The following DOCK8 variants were observed in gnomAD, a reference collection of about 807,000 sequenced individuals.
DOCK8 encodes dedicator of cytokinesis 8, also known as dedicator of cytokinesis protein 8.
Under a neutral mutation model 245.6 loss-of-function variants are expected in DOCK8, and 141 were observed. The observed-to-expected ratio is 0.57, with a 90% confidence interval of 0.50 to 0.66. The LOEUF (loss-of-function observed/expected upper bound fraction) is 0.66. DOCK8 is among the 30% of genes least tolerant of loss of function. The pLI is 0.00. For synonymous variants in DOCK8, 1,168 were observed against 970.2 expected, an observed-to-expected ratio of 1.20 and a Z score of -3.79; for missense variants, 2,965 against 2,603.4, an observed-to-expected ratio of 1.14 and a Z score of -3.02.
chr9:336,819 G>T lies in DOCK8; in HGVS notation c.1422+101G>T, dbSNP rs117506165. Reference sequence around the variant, plus strand: ...ACGTAGTGATTAAGAGAGCAAATTAGTTAAGCTCACTCTCTTAGTTCATTT... The same window carrying T: ...ACGTAGTGATTAAGAGAGCAAATTATTTAAGCTCACTCTCTTAGTTCATTT... On this transcript the variant is annotated intron_variant, in intron 12 of 47. Coordinates refer to ENST00000432829, the MANE Select transcript of DOCK8 (RefSeq NM_203447.4). The T allele has an allele frequency of 0.033, 46,202 of 1,403,556 alleles. 923 individuals are homozygous for T. Among genetic ancestry groups the T allele is most frequent in the Middle Eastern group, 0.068 (285 of 4,188 alleles). 86.9% of individuals were successfully genotyped at this position (1,403,556 alleles called of 1,614,324 possible).
chr9:386,405 C>T lies in DOCK8; in HGVS notation c.2853C>T (p.Ala951=), dbSNP rs551786936. Residue 951 remains alanine, a synonymous_variant, in exon 23 of 48, where the codon GCC becomes GCT. Coordinates refer to ENST00000432829, the MANE Select transcript of DOCK8 (RefSeq NM_203447.4). ...GSSDAPSSPA[A]PRPASKKHFH... is the part of the protein sequence containing the mutation. ...GTGATGCTCCAAGTTCACCTGCAGC[C>T]CCAAGGCCAGCCAGCAAAAAGGTAC... 1 of 1,613,698 alleles carries T rather than the reference C, an allele frequency of 6.2e-7. No homozygotes were observed. Among genetic ancestry groups the T allele is most frequent in the East Asian group, 2.2e-5 (1 of 44,856 alleles).
intron 14 of DOCK8, among the ~76,000 whole-genome samples, chr9:357,451 TTCTC>T (rs771555840): frequency 1.3e-4 from 20 of 151,998 alleles, no homozygotes; most frequent in South Asian, 1.2e-3. Flanking sequence ...ATTGTTTTAT[TTCTC>T]TCTCTCTCTC....
intron 6 of DOCK8, among the ~76,000 whole-genome samples, chr9:313,169 C>G (rs868868735): frequency 6.6e-6 from 1 of 152,198 alleles, no homozygotes; most frequent in Non-Finnish European, 1.5e-5. Context: ...CATGGAAATA[C>G]TATTGTTGAC....
intron 4 of DOCK8, among the ~76,000 whole-genome samples, chr9:294,189 A>G (rs1487080124): frequency 6.6e-6 from 1 of 152,264 alleles, no homozygotes; most frequent in Non-Finnish European, 1.5e-5. Flanking sequence ...GTCCTAAGTT[A>G]CTGAAACTAA....
chr9:385,949 A>G (rs546884907), intron 22 of DOCK8, among the ~76,000 whole-genome samples: 1 of 152,230 alleles, frequency 6.6e-6, no homozygotes, highest in Non-Finnish European at 1.5e-5. Flanking sequence ...GTTTTTGACA[A>G]TGTATTGGTG....
At chr9:403,968 A>AAG (rs1182496424) in intron 26 of DOCK8, among the ~76,000 whole-genome samples, 5 of 72,554 alleles carry the variant, frequency 6.9e-5, no homozygotes, top group African/African-American at 5.0e-4. Context: ...ATGTATATAT[A>AAG]TATATATGTG....
chr9:404,536 C>T lies in DOCK8; in HGVS notation c.3235-382C>T, dbSNP rs115131770. Among the ~76,000 whole-genome samples the T allele has an allele frequency of 5.4e-3, 829 of 152,290 alleles. 9 individuals carry two copies. The highest frequency in any genetic ancestry group is 0.019 in the African/African-American group (803 of 41,564). ...TCATATTCTATTAGTTTCATACAGG[C>T]TCATATGAGGTCAACTCCTTTCATT... On this transcript the variant is annotated intron_variant, in intron 26 of 47. Coordinates refer to ENST00000432829, the MANE Select transcript of DOCK8 (RefSeq NM_203447.4).
At chr9:334,987 G>C (rs1167511416) in intron 11 of DOCK8, among the ~76,000 whole-genome samples, 2 of 152,102 alleles carry the variant, frequency 1.3e-5, no homozygotes, top group Non-Finnish European at 2.9e-5. Flanking sequence ...GGAGGCAGAG[G>C]CAGGAGAATC....
intron 29 of DOCK8, among the ~76,000 whole-genome samples, chr9:415,449 T>A (rs2055950616): frequency 6.6e-6 from 1 of 152,212 alleles, no homozygotes; most frequent in Non-Finnish European, 1.5e-5. Context: ...ATATTGCCCT[T>A]GGCACTAAGT....
intron 1 of DOCK8, among the ~76,000 whole-genome samples, chr9:230,974 C>G (rs1299936422): frequency 6.6e-6 from 1 of 151,978 alleles, no homozygotes; most frequent in South Asian, 2.1e-4. Flanking sequence ...GAAGTCCTTG[C>G]CCATGCCTAT....
intron 45 of DOCK8, 81 bp downstream of exon 45, chr9:450,008 G>C: frequency 6.7e-7 from 1 of 1,484,278 alleles, no homozygotes; most frequent in Non-Finnish European, 9.3e-7. Flanking sequence ...TCTTCCTTGG[G>C]GTTGATGAGG....
chr9:371,346 C>T (rs1345396635), intron 16 of DOCK8, 82 bp from the exon 17 acceptor site: 2 of 1,552,116 alleles, frequency 1.3e-6, no homozygotes, highest in Non-Finnish European at 1.8e-6. Context: ...TTCTGAGGAG[C>T]AAAGGGGCTG....
rs1406254431 is a variant in DOCK8, at chr9:421,066, C to T, written c.4141C>T (p.Arg1381Cys). The T allele has an allele frequency of 3.7e-6, 6 of 1,613,998 alleles. No homozygotes were observed. Among genetic ancestry groups the T allele is most frequent in the East Asian group, 2.2e-5 (1 of 44,892 alleles). Reference sequence around the variant, plus strand: ...AGGGGCCAGAGGGGAGATGATGCGCCGCCGGGCTCCAGGTGTGTTGGACTG... The same window carrying T: ...AGGGGCCAGAGGGGAGATGATGCGCTGCCGGGCTCCAGGTGTGTTGGACTG... ...GEGARGEMMRRRAPGNDRFPG... is the reference protein window; with the variant it reads ...GEGARGEMMRCRAPGNDRFPG... The change falls in exon 32 of 48, where the codon CGC (arginine) becomes TGC (cysteine). Residue 1381 changes from arginine (R) to cysteine (C), a missense_variant. Arg to Cys is a radical substitution (Grantham distance 180). Transcript: ENST00000432829.
intron 7 of DOCK8, among the ~76,000 whole-genome samples, chr9:325,393 A>T (rs1376432305): frequency 6.6e-6 from 1 of 152,140 alleles, no homozygotes; most frequent in East Asian, 1.9e-4. Flanking sequence ...CATTCAGCCC[A>T]CTCTCTCTTG....
rs567400819 is a variant in DOCK8 at position 305,321 on chromosome 9, C to T, written c.528+617C>T. Reference sequence around the variant, plus strand: ...TTGTTGAGACAGAGTCTCGCTCTGTCGCCCAGGCTGGACTGCAGTGGCACG... The same window carrying T: ...TTGTTGAGACAGAGTCTCGCTCTGTTGCCCAGGCTGGACTGCAGTGGCACG... On this transcript the variant is annotated intron_variant, in intron 5 of 47. Coordinates refer to ENST00000432829, the MANE Select transcript of DOCK8 (RefSeq NM_203447.4). Among the ~76,000 whole-genome samples the T allele has an allele frequency of 2.6e-4, 40 of 151,162 alleles. No homozygotes were observed. In the East Asian group the frequency reaches 4.1e-3, roughly 15 times the overall value.
At chr9:303,187 A>T (rs1396015045) in intron 4 of DOCK8, among the ~76,000 whole-genome samples, 1 of 152,026 alleles carries the variant, frequency 6.6e-6, no homozygotes, top group Non-Finnish European at 1.5e-5. Context: ...AAAAATTAAC[A>T]TGTTGGAAAT....
intron 14 of DOCK8, among the ~76,000 whole-genome samples, chr9:363,517 G>A (rs539205530): frequency 1.3e-5 from 2 of 152,118 alleles, no homozygotes; most frequent in East Asian, 1.9e-4. Flanking sequence ...TCTTGTATTC[G>A]TTTCTTTAAA....
At chr9:257,364 C>T (rs1307422198) in intron 1 of DOCK8, among the ~76,000 whole-genome samples, 1 of 152,122 alleles carries the variant, frequency 6.6e-6, no homozygotes, top group Non-Finnish European at 1.5e-5. Flanking sequence ...TGATTACAGT[C>T]CTATGTCACT....
intron 14 of DOCK8, among the ~76,000 whole-genome samples, chr9:357,396 A>C (rs2052494922): frequency 6.6e-6 from 1 of 152,182 alleles, no homozygotes; most frequent in East Asian, 1.9e-4. Flanking sequence ...TTCTCACTGA[A>C]AGAAATCTTT....
Sources: allele counts gnomAD v4.1 joint callset (sites outside exome capture counted in the v4.1 genomes callset), GRCh38; gene constraint gnomAD v4.1.1; transcripts MANE v1.5; gene names NCBI Gene and HGNC (gene_info 2026-07-23, HGNC 2026-07-21).